The following SLC35F4 variants were observed in gnomAD, a reference collection of about 807,000 sequenced individuals.
SLC35F4 encodes the protein solute carrier family 35 member F4.
A neutral mutation model predicts 44.2 loss-of-function variants in SLC35F4; 24 were observed. The ratio of observed to expected loss-of-function variants is 0.54; its 90% CI spans 0.39 to 0.76. The LOEUF is 0.76. SLC35F4 is among the 30% of genes least tolerant of loss of function. The probability of loss-of-function intolerance (pLI) is 0.00; values close to 1 mark genes in which losing one functional copy is unlikely to be tolerated. For missense variants in SLC35F4, 562 were observed against 586.1 expected, an observed-to-expected ratio of 0.96 and a Z score of 0.42; for synonymous variants, 238 against 223.6, an observed-to-expected ratio of 1.06 and a Z score of -0.57.
chr14:57,887,253 C>T (rs778384219), intron 1 of SLC35F4, among the ~76,000 whole-genome samples: 14 of 152,158 alleles, frequency 9.2e-5, no homozygotes, highest in Non-Finnish European at 2.1e-4. Flanking sequence ...CCAAGTAGAA[C>T]AACCATCCCT....
At chr14:57,678,804 T>A (rs2074791695) in intron 1 of SLC35F4, among the ~76,000 whole-genome samples, 1 of 151,908 alleles carries the variant, frequency 6.6e-6, no homozygotes, top group Admixed American at 6.5e-5. Flanking sequence ...GGTAAATGGA[T>A]CAATGCAACA....
chr14:57,839,548 A>G (rs1885284377), intron 1 of SLC35F4, among the ~76,000 whole-genome samples: 1 of 152,100 alleles, frequency 6.6e-6, no homozygotes, highest in Non-Finnish European at 1.5e-5. Flanking sequence ...ATAAGGACAC[A>G]TGAGGGGCAG....
At chr14:57,969,855 G>A (rs1881003172) in intron 1 of SLC35F4, among the ~76,000 whole-genome samples, 1 of 152,164 alleles carries the variant, frequency 6.6e-6, no homozygotes. Flanking sequence ...GAGCACGGAT[G>A]TTCATGGTTC....
In SLC35F4 at chr14:57,857,087, C is replaced by A. The variant is rs1310351467; in HGVS notation, c.103+8636G>T. ...GGTCAGGAGTTCGAGACCAGCCCGG[C>A]CAACATGGTGAAACCCCATCTCTAC... On this transcript the variant is annotated intron_variant, in intron 1 of 7. Transcript: ENST00000556826. 1.3e-5 allele frequency among the ~76,000 whole-genome samples: 2 copies of A among 151,840 alleles called. 1 individual carries two copies. Among genetic ancestry groups the A allele is most frequent in the African/African-American group, 4.8e-5 (2 of 41,242 alleles).
intron 1 of SLC35F4, among the ~76,000 whole-genome samples, chr14:57,838,163 T>C (rs554977358): frequency 3.9e-5 from 6 of 152,266 alleles, no homozygotes; most frequent in Non-Finnish European, 8.8e-5. Flanking sequence ...CAATGTTTCA[T>C]AATAAAGGTT....
intron 1 of SLC35F4, among the ~76,000 whole-genome samples, chr14:57,679,731 G>A (rs541288942): frequency 1.9e-4 from 29 of 152,066 alleles, no homozygotes; most frequent in Non-Finnish European, 4.0e-4. Flanking sequence ...TACCATCAGA[G>A]AATACTATAA....
intron 1 of SLC35F4, among the ~76,000 whole-genome samples, chr14:57,876,884 T>G (rs1888410243): frequency 1.3e-5 from 2 of 152,190 alleles, no homozygotes; most frequent in South Asian, 4.1e-4. Context: ...CTGTAAATGA[T>G]TATTCCTAAT....
intron 1 of SLC35F4, among the ~76,000 whole-genome samples, chr14:57,840,408 T>C (rs1885376087): frequency 6.6e-6 from 1 of 152,190 alleles, no homozygotes; most frequent in African/African-American, 2.4e-5. Flanking sequence ...CTATACCAAG[T>C]AGCTGAAAAT....
At chr14:57,829,533 G>A (rs759380691) in intron 1 of SLC35F4, among the ~76,000 whole-genome samples, 13 of 152,176 alleles carry the variant, frequency 8.5e-5, no homozygotes, top group Non-Finnish European at 1.8e-4. Flanking sequence ...CAAGAGGGCA[G>A]GCCAAGTCTG....
At chr14:57,958,119 G>A (rs1041558028) in intron 1 of SLC35F4, among the ~76,000 whole-genome samples, 5 of 151,696 alleles carry the variant, frequency 3.3e-5, no homozygotes, top group African/African-American at 1.2e-4. Flanking sequence ...GCAGTGGCGC[G>A]AAATCTCAGC....
Position 57,929,208 on chromosome 14 carries a change from C to G in SLC35F4, n.282+52705G>C, listed in dbSNP as rs187607120. ...ATATTCTCCTCAATGGCTGGCCAAA[C>G]AAATTGTTCTATTACCTTGGCCTCT... On this transcript the variant is annotated intron_variant and non_coding_transcript_variant, in intron 1 of 1. Coordinates refer to the SLC35F4 transcript ENST00000556568. Among the ~76,000 whole-genome samples the G allele has an allele frequency of 2.2e-4, 34 of 152,234 alleles. No homozygotes were observed. In the East Asian group the frequency reaches 6.4e-3, roughly 29 times the overall value.
chr14:57,592,474 T>C (rs1053928376), intron 2 of SLC35F4, among the ~76,000 whole-genome samples: 2 of 152,192 alleles, frequency 1.3e-5, no homozygotes, highest in Non-Finnish European at 2.9e-5. Flanking sequence ...TTTAATGATA[T>C]GGTATTTGAA....
At chr14:57,575,334 G>T (rs2068726216) in intron 4 of SLC35F4, among the ~76,000 whole-genome samples, 1 of 152,094 alleles carries the variant, frequency 6.6e-6, no homozygotes, top group African/African-American at 2.4e-5. Context: ...ATAAAAAGTA[G>T]CCGTGCTTTG....
chr14:57,593,191 C>T (rs546384621), intron 2 of SLC35F4, among the ~76,000 whole-genome samples: 1 of 152,270 alleles, frequency 6.6e-6, no homozygotes, highest in East Asian at 1.9e-4. Flanking sequence ...CTCGGTCATA[C>T]AATGAGAGGA....
rs140862324 is a variant in SLC35F4, at chr14:57,961,933, C to T, written n.282+19980G>A. Among the ~76,000 whole-genome samples the T allele has an allele frequency of 5.9e-3, 895 of 152,294 alleles. 5 individuals are homozygous for T. The highest frequency in any genetic ancestry group is 9.2e-3 in the Non-Finnish European group (623 of 68,030). On this transcript the variant is annotated intron_variant and non_coding_transcript_variant, in intron 1 of 1. Transcript: ENST00000556568. ...AGTGTGAGTATCTGTTTTACAAATG[C>T]CTCCCTCTCCTCCTGAGAGACTGAA...
At chr14:57,869,986 C>A (rs758566132), upstream of SLC35F4, among the ~76,000 whole-genome samples, 1 of 152,196 alleles carries the variant, frequency 6.6e-6, no homozygotes, top group Non-Finnish European at 1.5e-5. Flanking sequence ...AGAGTCCACT[C>A]TTCATTGGCC....
chr14:57,785,040 G>C (rs2077721109), intron 1 of SLC35F4, among the ~76,000 whole-genome samples: 4 of 152,052 alleles, frequency 2.6e-5, no homozygotes, highest in Admixed American at 2.6e-4. Context: ...CATATTATTG[G>C]TAAGGCTTCC....
chr14:57,803,063 C>T (rs2140861204), intron 1 of SLC35F4, among the ~76,000 whole-genome samples: 1 of 148,646 alleles, frequency 6.7e-6, no homozygotes, highest in South Asian at 2.2e-4. Context: ...CAGTAAAATA[C>T]TGGCAAACTG....
At chr14:57,642,990 T>C (rs1300064169) in intron 1 of SLC35F4, among the ~76,000 whole-genome samples, 2 of 152,000 alleles carry the variant, frequency 1.3e-5, no homozygotes, top group Admixed American at 6.6e-5. Flanking sequence ...ATACATTCTT[T>C]AGCACATTGT....
Sources: gnomAD v4.1 joint callset for allele counts (sites outside exome capture counted in the v4.1 genomes callset) on GRCh38, gnomAD v4.1.1 for gene constraint, MANE v1.5 for transcripts, NCBI Gene and HGNC (gene_info 2026-07-23, HGNC 2026-07-21) for gene names.